Variants in FBXL14 observed in about 807,000 individuals in gnomAD.
FBXL14 encodes F-box/LRR-repeat protein 14.
Under a neutral mutation model 24.5 loss-of-function variants are expected in FBXL14, and 11 were observed. The observed-to-expected ratio is 0.45, with a 90% confidence interval of 0.28 to 0.74. FBXL14 has a LOEUF of 0.74. Ranked by LOEUF, FBXL14 falls within the 30% of genes least tolerant of loss-of-function variation. FBXL14 has a pLI of 0.12. For missense variants in FBXL14, 384 were observed against 545.6 expected (o/e 0.70, Z 2.95); for synonymous variants, 294 against 240.4 (o/e 1.22, Z -2.06).
chr12:1,572,207 G>A (rs911286267), intron 1 of FBXL14, among the ~76,000 whole-genome samples: 1 of 152,244 alleles, frequency 6.6e-6, no homozygotes, highest in Non-Finnish European at 1.5e-5. Context: ...ATCCATGCAA[G>A]CTAGTGTTGA....
rs529452974 is a variant in FBXL14 at position 1,571,428 on chromosome 12, G to A, written c.1195-4618C>T. On this transcript the variant is annotated intron_variant, in intron 1 of 1. Coordinates refer to ENST00000339235, the MANE Select transcript of FBXL14 (RefSeq NM_152441.3). Reference sequence around the variant, plus strand: ...TCTCCATGTTGGTCAGGCTGGTCTCGAACTCCTGACCTCAGGTGATCCGCC... The same window carrying A: ...TCTCCATGTTGGTCAGGCTGGTCTCAAACTCCTGACCTCAGGTGATCCGCC... Among the ~76,000 whole-genome samples the A allele has an allele frequency of 5.3e-4, 81 of 152,096 alleles. No individual in the cohort carries two copies. In the East Asian group the frequency reaches 0.012, roughly 23 times the overall value.
At chr12:1,590,059 G>A (rs925007903) in intron 1 of FBXL14, among the ~76,000 whole-genome samples, 5 of 152,132 alleles carry the variant, frequency 3.3e-5, no homozygotes, top group African/African-American at 7.2e-5. Flanking sequence ...ACCCACTGCC[G>A]TGTAACCTTC....
intron 1 of FBXL14, among the ~76,000 whole-genome samples, chr12:1,588,770 C>G (rs1174131951): frequency 1.3e-5 from 2 of 151,964 alleles, no homozygotes; most frequent in Non-Finnish European, 2.9e-5. Flanking sequence ...ATACCTGAAC[C>G]AAGTTTTTTT....
At chr12:1,572,667 C>T (rs1187145207) in intron 1 of FBXL14, among the ~76,000 whole-genome samples, 1 of 152,142 alleles carries the variant, frequency 6.6e-6, no homozygotes, top group Non-Finnish European at 1.5e-5. Flanking sequence ...GCCAGGTTAT[C>T]GAGGATCCCG....
intron 1 of FBXL14, among the ~76,000 whole-genome samples, chr12:1,583,382 A>AG (rs1479940254): frequency 1.3e-5 from 2 of 148,672 alleles, no homozygotes; most frequent in Non-Finnish European, 3.0e-5. Context: ...AAGTTTAAAG[A>AG]GAAAAAAAAA....
At chr12:1,589,127 C>G (rs1049222768) in intron 1 of FBXL14, among the ~76,000 whole-genome samples, 5 of 150,574 alleles carry the variant, frequency 3.3e-5, no homozygotes, top group African/African-American at 1.2e-4. Flanking sequence ...GTGGCTCACG[C>G]CTGTAATCCC....
intron 1 of FBXL14, among the ~76,000 whole-genome samples, chr12:1,578,587 C>T (rs1034154969): frequency 3.3e-5 from 5 of 152,010 alleles, no homozygotes; most frequent in African/African-American, 7.2e-5. Context: ...TGCAGTGAGC[C>T]GAGATCGCGC....
intron 1 of FBXL14, among the ~76,000 whole-genome samples, chr12:1,583,606 GGGA>G (rs2094471105): frequency 6.6e-6 from 1 of 152,190 alleles, no homozygotes; most frequent in African/African-American, 2.4e-5. Context: ...TTTGTTAGAT[GGGA>G]GGAGGTTGTG....
intron 1 of FBXL14, chr12:1,587,264 A>T (rs905957364): frequency 2.8e-5 from 4 of 144,158 alleles, no homozygotes; most frequent in African/African-American, 1.0e-4. Flanking sequence ...AAAAAAAAAA[A>T]TTGAAGTAGA....
intron 1 of FBXL14, among the ~76,000 whole-genome samples, chr12:1,583,837 C>G (rs528079550): frequency 3.9e-5 from 6 of 152,112 alleles, no homozygotes; most frequent in Non-Finnish European, 8.8e-5. Flanking sequence ...CAAGGTCGGA[C>G]TCCTAGTTTT....
chr12:1,574,027 A>C (rs2154437789), intron 1 of FBXL14, among the ~76,000 whole-genome samples: 1 of 150,898 alleles, frequency 6.6e-6, no homozygotes, highest in Non-Finnish European at 1.5e-5. Context: ...AAAAAAAAAA[A>C]AGAGTGAAAT....
Position 1,569,838 on chromosome 12 carries a change from C to G in FBXL14, c.1195-3028G>C, listed in dbSNP as rs2094442441. On this transcript the variant is annotated intron_variant, in intron 1 of 1. Transcript: ENST00000339235. This position sits in a 1 kb window ranked among gnomAD's most constrained non-coding sequence, Gnocchi z 4.2. ...GAAGGCTGTGCCACTCACCCAGAGT[C>G]CCCTGTGCAAAGGAAGGGAGGCTCA... is the stretch of plus-strand genomic sequence containing the variant. 6.6e-6 allele frequency among the ~76,000 whole-genome samples: 1 copy of G among 152,192 alleles called. No individual in the cohort carries two copies. The highest frequency in any genetic ancestry group is 6.5e-5 in the Admixed American group (1 of 15,286).
Position 1,593,036 on chromosome 12 carries a change from G to A in FBXL14, c.1031C>T (p.Thr344Met), listed in dbSNP as rs2094494099. ...TLNIGQCVRI[T>M]DKGLELIAEH... ...AGCGATCAGCTCCAGGCCCTTGTCC[G>A]TGATGCGCACACACTGTCCAATGTT... Residue 344 changes from threonine (T) to methionine (M), a missense_variant, in exon 1 of 2, where the codon ACG becomes ATG. Physicochemically the swap from Thr to Met is moderately conservative, Grantham distance 81 (BLOSUM62 -1). Transcript: ENST00000339235. The surrounding 1 kb of genome is among the most constrained non-coding windows in gnomAD (Gnocchi z 7.4). 1 of 1,611,860 alleles carries A rather than the reference G, an allele frequency of 6.2e-7. No homozygotes were observed. Among genetic ancestry groups the A allele is most frequent in the Admixed American group, 1.7e-5 (1 of 59,964 alleles).
chr12:1,592,305 T>C (rs1285279378), intron 1 of FBXL14, among the ~76,000 whole-genome samples: 2 of 150,946 alleles, frequency 1.3e-5, no homozygotes, highest in Non-Finnish European at 2.9e-5. Flanking sequence ...GGAAAGAAGA[T>C]TAAGAACATG....
At position 1,566,681 on chromosome 12, in the gene FBXL14, G is replaced by A. The variant is rs73030956; in HGVS notation, c.*67C>T. 133,031 of 775,962 alleles carry A rather than the reference G, an allele frequency of 0.17. 12,285 individuals carry two copies. Among genetic ancestry groups the A allele is most frequent in the African/African-American group, 0.27 (15,791 of 59,074 alleles). The allele number at this position is 775,962 out of a possible 1,614,324, so 48.1% of individuals were successfully genotyped here. A position where few individuals can be genotyped will look rare whatever the true frequency, so the allele number is the denominator to read the frequency against. On this transcript the variant is annotated 3_prime_UTR_variant, in exon 2 of 2. Transcript: ENST00000339235. ...CCTGAGCTGTCATCACCAGAGTGCC[G>A]GAGGCGCAGAGCGGGCAAGTCTGGA...
At position 1,593,452 on chromosome 12, in the gene FBXL14, C is replaced by T. The variant is rs777671631; in HGVS notation, c.615G>A (p.Glu205=). 1.1e-5 allele frequency: 18 copies of T among 1,614,056 alleles called. No homozygotes were observed. The highest frequency in any genetic ancestry group is 1.5e-5 in the Non-Finnish European group (18 of 1,180,046). Residue 205 remains glutamate, a synonymous_variant, in exon 1 of 2, where the codon GAG becomes GAA. Coordinates refer to ENST00000339235, the MANE Select transcript of FBXL14 (RefSeq NM_152441.3). The surrounding 1 kb of genome is among the most constrained non-coding windows in gnomAD (Gnocchi z 7.4). ...TCTGGCAGTCCTGTAGCGTGAGCTG[C>T]TCCAGGCCCAGGCAGCCCTCCGCCG... ...RSAAEGCLGL[E]QLTLQDCQKL... is the part of the protein sequence containing the mutation.
chr12:1,569,835 A>T lies in FBXL14; in HGVS notation c.1195-3025T>A, dbSNP rs2094442424. On this transcript the variant is annotated intron_variant, in intron 1 of 1. Coordinates refer to ENST00000339235, the MANE Select transcript of FBXL14 (RefSeq NM_152441.3). This position sits in a 1 kb window ranked among gnomAD's most constrained non-coding sequence, Gnocchi z 4.2. ...GTTGAAGGCTGTGCCACTCACCCAGAGTCCCCTGTGCAAAGGAAGGGAGGC... is the reference window on the plus strand; with the variant it reads ...GTTGAAGGCTGTGCCACTCACCCAGTGTCCCCTGTGCAAAGGAAGGGAGGC... Among the ~76,000 whole-genome samples, 1 of 152,218 alleles carries T rather than the reference A, an allele frequency of 6.6e-6. No individual in the cohort carries two copies. Among genetic ancestry groups the T allele is most frequent in the Non-Finnish European group, 1.5e-5 (1 of 68,044 alleles).
At chr12:1,583,565 G>T (rs1021557789) in intron 1 of FBXL14, among the ~76,000 whole-genome samples, 1 of 152,184 alleles carries the variant, frequency 6.6e-6, no homozygotes, top group Admixed American at 6.6e-5. Flanking sequence ...TACTTTGCGG[G>T]TGCGGGTGAA....
At chr12:1,581,706 C>G (rs1051422158) in intron 1 of FBXL14, among the ~76,000 whole-genome samples, 1 of 152,210 alleles carries the variant, frequency 6.6e-6, no homozygotes, top group African/African-American at 2.4e-5. Context: ...GTGCTGCCAC[C>G]TCAGAGGTCT....
Sources: gnomAD v4.1 joint callset for allele counts (sites outside exome capture counted in the v4.1 genomes callset) on GRCh38, gnomAD v4.1.1 for gene constraint, Gnocchi (gnomAD v3.1) non-coding constraint, MANE v1.5 for transcripts, NCBI Gene and HGNC (gene_info 2026-07-23, HGNC 2026-07-21) for gene names.